JARID2: variants seen among roughly 807,000 people sequenced by gnomAD.
The protein encoded by JARID2 is jumonji and AT-rich interaction domain containing 2.
JARID2 carries 21 observed loss-of-function variants against 125.6 expected under a neutral mutation model. The ratio of observed to expected loss-of-function variants is 0.17; its 90% CI spans 0.12 to 0.24. The LOEUF is 0.24. Among genes scored for constraint, JARID2 ranks in the 10% least tolerant of loss-of-function variants. JARID2 has a pLI of 1.00. For missense variants in JARID2, 1,303 were observed against 1,639.6 expected, an observed-to-expected ratio of 0.79 and a Z score of 3.55; for synonymous variants, 736 against 661.6, an observed-to-expected ratio of 1.11 and a Z score of -1.73.
At chr6:15,356,656 T>C (rs931482639) in intron 1 of JARID2, among the ~76,000 whole-genome samples, 6 of 152,212 alleles carry the variant, frequency 3.9e-5, no homozygotes, top group Non-Finnish European at 8.8e-5. Flanking sequence ...AGGAACAAAG[T>C]AGAGACAAGC....
rs1463355679 is a variant in JARID2 at position 15,473,518 on chromosome 6, C to T, written c.670+4800C>T. Among the ~76,000 whole-genome samples the T allele has an allele frequency of 1.4e-3, 35 of 25,704 alleles. 2 individuals carry two copies. The Middle Eastern group carries it at 0.019, about 14-fold the overall frequency. The allele number at this position is 25,704 out of a possible 152,430, so 16.9% of individuals were successfully genotyped here. A position where few individuals can be genotyped will look rare whatever the true frequency, so the allele number is the denominator to read the frequency against. On this transcript the variant is annotated intron_variant, in intron 5 of 17. Coordinates refer to ENST00000341776, the MANE Select transcript of JARID2 (RefSeq NM_004973.4). ...CCCTTGTCTTCTGATGTGCGTGCCC[C>T]CCCCCCCCCCCCGCTTTGTGTCCTG...
At chr6:15,311,636 C>G (rs794789) in intron 1 of JARID2, among the ~76,000 whole-genome samples, 1 of 151,984 alleles carries the variant, frequency 6.6e-6, no homozygotes, top group Non-Finnish European at 1.5e-5. Context: ...TTCTCTCCCA[C>G]AGGTAAATAT....
intron 1 of JARID2, among the ~76,000 whole-genome samples, chr6:15,346,850 C>T (rs1424046601): frequency 6.6e-6 from 1 of 151,902 alleles, no homozygotes; most frequent in Non-Finnish European, 1.5e-5. Context: ...GTGCTCCTTC[C>T]TCTGCCTCCC....
intron 1 of JARID2, among the ~76,000 whole-genome samples, chr6:15,289,583 G>A (rs1025201150): frequency 1.3e-5 from 2 of 151,988 alleles, no homozygotes; most frequent in African/African-American, 2.4e-5. Context: ...AAGGCCGGGC[G>A]CAGTGAGTCA....
intron 8 of JARID2, 85 bp from the exon 9 acceptor site, chr6:15,504,415 A>G: frequency 1.1e-6 from 1 of 947,762 alleles, no homozygotes; most frequent in Non-Finnish European, 1.7e-6. Flanking sequence ...GCCAAGGGGC[A>G]GCGGCCCATG....
chr6:15,276,304 C>G (rs1290749970), intron 1 of JARID2, among the ~76,000 whole-genome samples: 1 of 152,194 alleles, frequency 6.6e-6, no homozygotes, highest in Non-Finnish European at 1.5e-5. Flanking sequence ...ATTCTGCATG[C>G]CTGTTAAAAT....
rs773352722 is a variant in JARID2, at chr6:15,504,454, G to A, written c.2449-46G>A. On this transcript the variant is annotated intron_variant, in intron 8 of 17. Transcript: ENST00000341776. ...GGTGTCTGGCCTCATTTGCAGTAGG[G>A]TTCAGCTTTGCTTCTGAAGCTTTAC... 14 of 1,448,906 alleles carry A rather than the reference G, an allele frequency of 9.7e-6. No homozygotes were observed. In the East Asian group the frequency reaches 3.2e-4, roughly 33 times the overall value. 89.8% of individuals were successfully genotyped at this position (1,448,906 alleles called of 1,614,324 possible).
chr6:15,439,232 T>G (rs1229105250), intron 3 of JARID2, among the ~76,000 whole-genome samples: 1 of 152,056 alleles, frequency 6.6e-6, no homozygotes, highest in East Asian at 1.9e-4. Context: ...ATTTAAGAAG[T>G]TTTTAGCTGA....
intron 6 of JARID2, among the ~76,000 whole-genome samples, chr6:15,493,768 T>G (rs1247977789): frequency 6.6e-6 from 1 of 152,146 alleles, no homozygotes; most frequent in Non-Finnish European, 1.5e-5. Context: ...TTGGTTTTAG[T>G]GGAAGCATTT....
At position 15,520,192 on chromosome 6, in the gene JARID2, G is replaced by A. The variant is rs144053937; in HGVS notation, c.3682G>A (p.Val1228Met). The change falls in exon 18 of 18, where the codon GTG becomes ATG. Residue 1228 changes from valine (V) to methionine (M), a missense_variant. Val to Met is a conservative substitution (Grantham distance 21, BLOSUM62 1). Coordinates refer to ENST00000341776, the MANE Select transcript of JARID2 (RefSeq NM_004973.4). ...RGPRKRATVDVPPSRLSASSS... is the reference protein window; with the variant it reads ...RGPRKRATVDMPPSRLSASSS... Reference sequence around the variant, plus strand: ...TCCCCGCAAGAGAGCGACAGTGGACGTGCCCCCCTCCCGTCTGTCAGCCTC... The same window carrying A: ...TCCCCGCAAGAGAGCGACAGTGGACATGCCCCCCTCCCGTCTGTCAGCCTC... 1.5e-4 allele frequency: 248 copies of A among 1,613,472 alleles called. No homozygotes were observed. The highest frequency in any genetic ancestry group is 2.2e-4 in the Admixed American group (13 of 59,932).
At chr6:15,280,245 A>G (rs1249041034) in intron 1 of JARID2, among the ~76,000 whole-genome samples, 3 of 152,210 alleles carry the variant, frequency 2.0e-5, no homozygotes, top group South Asian at 2.1e-4. Context: ...CTGCCAAAGT[A>G]AATGTTGGCT....
intron 1 of JARID2, among the ~76,000 whole-genome samples, chr6:15,274,158 C>T (rs1760405073): frequency 1.3e-5 from 2 of 152,208 alleles, no homozygotes; most frequent in Non-Finnish European, 1.5e-5. Flanking sequence ...TTGAACTCCT[C>T]ACCTCAGGTG....
chr6:15,448,996 A>G (rs1450330900), intron 3 of JARID2, among the ~76,000 whole-genome samples: 1 of 151,786 alleles, frequency 6.6e-6, no homozygotes, highest in African/African-American at 2.4e-5. Context: ...TTTGTAACAG[A>G]TGGAAAATTT....
chr6:15,419,200 C>T (rs1274692633), intron 3 of JARID2, among the ~76,000 whole-genome samples: 1 of 152,130 alleles, frequency 6.6e-6, no homozygotes, highest in Admixed American at 6.5e-5. Context: ...TTCCACTGAT[C>T]AGGTTATTTG....
chr6:15,317,316 CATTT>C (rs1394021906), intron 1 of JARID2, among the ~76,000 whole-genome samples: 2 of 152,110 alleles, frequency 1.3e-5, no homozygotes, highest in Non-Finnish European at 2.9e-5. Flanking sequence ...ATGCAAGTCT[CATTT>C]AGGATAATAG....
At chr6:15,348,719 C>T (rs1763329913) in intron 1 of JARID2, among the ~76,000 whole-genome samples, 2 of 152,240 alleles carry the variant, frequency 1.3e-5, no homozygotes, top group South Asian at 2.1e-4. Flanking sequence ...GTAAAAAGCC[C>T]ACAGTCAAGC....
chr6:15,411,868 C>T (rs897880266), intron 3 of JARID2, among the ~76,000 whole-genome samples: 7 of 152,076 alleles, frequency 4.6e-5, no homozygotes, highest in African/African-American at 1.2e-4. Context: ...GGTCAGCATC[C>T]GGGTGCAGTG....
intron 4 of JARID2, among the ~76,000 whole-genome samples, chr6:15,459,757 G>T (rs1768358365): frequency 6.6e-6 from 1 of 152,220 alleles, no homozygotes; most frequent in Non-Finnish European, 1.5e-5. Flanking sequence ...CTAGCCTTGA[G>T]TATTGAGGAC....
In JARID2 at chr6:15,499,311, G is replaced by A. The variant is rs981601547; in HGVS notation, c.1946-1596G>A. Reference sequence around the variant, plus strand: ...CCACCGCAGGTCCCAGGGAGCCGCCGTGCCGCTGGCGGGAGTTGGGTGGGG... The same window carrying A: ...CCACCGCAGGTCCCAGGGAGCCGCCATGCCGCTGGCGGGAGTTGGGTGGGG... On this transcript the variant is annotated intron_variant, in intron 7 of 17. Coordinates refer to ENST00000341776, the MANE Select transcript of JARID2 (RefSeq NM_004973.4). 2.0e-5 allele frequency among the ~76,000 whole-genome samples: 3 copies of A among 152,334 alleles called. No homozygotes were observed. The Middle Eastern group carries it at 0.01, about 518-fold the overall frequency.
Sources: allele counts gnomAD v4.1 joint callset (sites outside exome capture counted in the v4.1 genomes callset), GRCh38; gene constraint gnomAD v4.1.1; transcripts MANE v1.5; gene names NCBI Gene and HGNC (gene_info 2026-07-23, HGNC 2026-07-21).